The following ANO4 variants were observed in gnomAD, a reference collection of about 807,000 sequenced individuals.
ANO4 encodes anoctamin 4.
A neutral mutation model predicts 141.9 loss-of-function variants in ANO4; 69 were observed. The observed-to-expected ratio is 0.49, with a 90% CI of 0.40 to 0.59. ANO4 has a LOEUF of 0.59. Ranked by LOEUF, ANO4 falls within the 20% of genes least tolerant of loss-of-function variation. The pLI, the probability that ANO4 is intolerant of heterozygous loss-of-function variation, is 0.00. For synonymous variants in ANO4, 350 were observed against 394.3 expected (o/e 0.89, Z 1.33); for missense variants, 894 against 1,162.2 (o/e 0.77, Z 3.36).
At chr12:100,777,346 G>A (rs1035037654) in intron 3 of ANO4, among the ~76,000 whole-genome samples, 2 of 139,382 alleles carry the variant, frequency 1.4e-5, no homozygotes, top group African/African-American at 2.7e-5. Flanking sequence ...CTCGAGCTCC[G>A]GACCTCAGGT....
chr12:100,735,349 G>A (rs576542026), intron 2 of ANO4, among the ~76,000 whole-genome samples: 89 of 152,238 alleles, frequency 5.8e-4, no homozygotes, highest in African/African-American at 2.0e-3. Context: ...AAAAATTCTC[G>A]TGGAGAGCTC....
intron 3 of ANO4, among the ~76,000 whole-genome samples, chr12:100,770,862 CTG>C (rs2033270509): frequency 1.3e-5 from 2 of 148,398 alleles, no homozygotes; most frequent in African/African-American, 5.0e-5. Flanking sequence ...GGCAGGGACT[CTG>C]TTTTATACCT....
chr12:100,810,526 T>G (rs1423400706), intron 1 of ANO4, among the ~76,000 whole-genome samples: 1 of 151,480 alleles, frequency 6.6e-6, no homozygotes, highest in Non-Finnish European at 1.5e-5. Flanking sequence ...ATAGAGGGAG[T>G]CAGGGTGTAA....
intron 1 of ANO4, among the ~76,000 whole-genome samples, chr12:100,871,685 T>G (rs547587705): frequency 6.6e-6 from 1 of 152,244 alleles, no homozygotes; most frequent in South Asian, 2.1e-4. Flanking sequence ...CACTGACAGA[T>G]TTGGTGTCTG....
intron 14 of ANO4, among the ~76,000 whole-genome samples, chr12:101,077,871 G>A (rs1382489233): frequency 1.3e-5 from 2 of 152,178 alleles, no homozygotes; most frequent in Non-Finnish European, 2.9e-5. Context: ...ATAAGGGATT[G>A]TGGACCTGTA....
intron 1 of ANO4, among the ~76,000 whole-genome samples, chr12:100,898,245 T>G (rs2040434830): frequency 6.6e-6 from 1 of 152,236 alleles, no homozygotes; most frequent in Non-Finnish European, 1.5e-5. Flanking sequence ...ATGATGTAAT[T>G]TATTGGCTGA....
intron 8 of ANO4, among the ~76,000 whole-genome samples, chr12:101,000,983 T>G (rs1420716918): frequency 6.6e-6 from 1 of 152,228 alleles, no homozygotes; most frequent in Non-Finnish European, 1.5e-5. Flanking sequence ...GCCTATTATG[T>G]GCCACATATT....
intron 1 of ANO4, among the ~76,000 whole-genome samples, chr12:100,833,478 A>G (rs2135781779): frequency 6.6e-6 from 1 of 152,244 alleles, no homozygotes; most frequent in South Asian, 2.1e-4. Context: ...AGTCAGGATG[A>G]ATAGTCATAG....
At chr12:100,946,061 T>G (rs1396363379) in intron 5 of ANO4, among the ~76,000 whole-genome samples, 3 of 152,316 alleles carry the variant, frequency 2.0e-5, no homozygotes, top group Admixed American at 2.0e-4. Flanking sequence ...AGTGGGCCTC[T>G]TTTCCACAGA....
At chr12:101,029,389 G>A (rs2046874523) in intron 9 of ANO4, among the ~76,000 whole-genome samples, 1 of 151,984 alleles carries the variant, frequency 6.6e-6, no homozygotes, top group Admixed American at 6.6e-5. Flanking sequence ...ACAGGAAATT[G>A]GATAAAGACT....
intron 1 of ANO4, among the ~76,000 whole-genome samples, chr12:100,723,806 T>C (rs1301077720): frequency 2.6e-5 from 4 of 152,122 alleles, no homozygotes; most frequent in Non-Finnish European, 5.9e-5. Flanking sequence ...ACTATCACAC[T>C]GGGGGTTAGT....
chr12:101,009,846 A>G (rs929764143), intron 8 of ANO4, among the ~76,000 whole-genome samples: 23 of 152,004 alleles, frequency 1.5e-4, no homozygotes, highest in African/African-American at 5.1e-4. Context: ...CCTATTTTTC[A>G]GTTATTGGAC....
At chr12:101,054,579 A>C (rs1220889238) in intron 14 of ANO4, among the ~76,000 whole-genome samples, 2 of 152,196 alleles carry the variant, frequency 1.3e-5, no homozygotes, top group Non-Finnish European at 1.5e-5. Flanking sequence ...GGCTCATTGC[A>C]AGCTCCGCCT....
chr12:100,945,460 A>G (rs2042684117), intron 5 of ANO4, among the ~76,000 whole-genome samples: 1 of 152,332 alleles, frequency 6.6e-6, no homozygotes, highest in African/African-American at 2.4e-5. Flanking sequence ...ACAAAATATC[A>G]TTGAAGTCCA....
intron 22 of ANO4, among the ~76,000 whole-genome samples, chr12:101,107,225 C>A (rs2050484269): frequency 6.6e-6 from 1 of 152,084 alleles, no homozygotes; most frequent in Non-Finnish European, 1.5e-5. Flanking sequence ...TGTGTTCTGG[C>A]CTTCGTTGTA....
intron 1 of ANO4, among the ~76,000 whole-genome samples, chr12:100,810,755 A>G (rs977222568): frequency 3.9e-5 from 6 of 152,292 alleles, no homozygotes; most frequent in Admixed American, 1.3e-4. Flanking sequence ...TAGACATACA[A>G]TATTTTAAAG....
intron 1 of ANO4, among the ~76,000 whole-genome samples, chr12:100,869,277 G>C (rs925495141): frequency 6.6e-6 from 1 of 152,188 alleles, no homozygotes; most frequent in Non-Finnish European, 1.5e-5. Flanking sequence ...TCTTATGAAA[G>C]ATTTCTTATG....
chr12:101,099,558 A>C lies in ANO4; in HGVS notation c.2007-20A>C. On this transcript the variant is annotated intron_variant, in intron 21 of 27. Transcript: ENST00000392977. ...TATGATCAGTTACATTTTTTGTAAG[A>C]AATTGATCTTTTTGCCCAGGTTAAT... 6.3e-7 allele frequency: 1 copy of C among 1,577,680 alleles called. No homozygotes were observed. Among genetic ancestry groups the C allele is most frequent in the Non-Finnish European group, 8.6e-7 (1 of 1,168,368 alleles).
chr12:100,867,195 C>G (rs2038793170), intron 1 of ANO4, among the ~76,000 whole-genome samples: 1 of 152,118 alleles, frequency 6.6e-6, no homozygotes, highest in African/African-American at 2.4e-5. Context: ...GGCAATATCA[C>G]TTGGTTCAGT....
Sources: gnomAD v4.1 joint callset for allele counts (sites outside exome capture counted in the v4.1 genomes callset) on GRCh38, gnomAD v4.1.1 for gene constraint, MANE v1.5 for transcripts, NCBI Gene and HGNC (gene_info 2026-07-23, HGNC 2026-07-21) for gene names.